The following FANCI variants were observed in gnomAD, a reference collection of about 807,000 sequenced individuals.
The protein encoded by FANCI is FA complementation group I.
FANCI carries 156 observed loss-of-function variants against 176.1 expected under a neutral mutation model. That is an observed-to-expected ratio of 0.89 (90% confidence interval 0.78 to 1.01). FANCI has a LOEUF of 1.01. Among genes scored for constraint, FANCI ranks in the 50% least tolerant of loss-of-function variants. FANCI has a pLI of 0.00. For synonymous variants in FANCI, 613 were observed against 541.7 expected, an observed-to-expected ratio of 1.13 and a Z score of -1.83; for missense variants, 1,678 against 1,534.1, an observed-to-expected ratio of 1.09 and a Z score of -1.57.
Position 89,268,518 on chromosome 15 carries a change from A to T in FANCI, c.875A>T (p.His292Leu). Residue 292 changes from histidine (H) to leucine (L), a missense_variant, in exon 10 of 38, where the codon CAC becomes CTC. Physicochemically the swap from His to Leu is moderately conservative, Grantham distance 99. Transcript: ENST00000310775. ...GAACTAGGCAGAGAACTCGTGAAAC[A>T]CTTAAAGGTAGCATCAAACTTGTAA... ...DYELGRELVKHLKVGQQGDSN... is the reference protein window; with the variant it reads ...DYELGRELVKLLKVGQQGDSN... 6.2e-7 allele frequency: 1 copy of T among 1,614,190 alleles called. No homozygotes were observed. The highest frequency in any genetic ancestry group is 8.5e-7 in the Non-Finnish European group (1 of 1,180,024).
chr15:89,284,533 C>T (rs2053743200), intron 17 of FANCI, among the ~76,000 whole-genome samples: 1 of 152,116 alleles, frequency 6.6e-6, no homozygotes, highest in Admixed American at 6.5e-5. Context: ...GTTATATAAC[C>T]AAGAAAGGGT....
rs886425669 is a variant in FANCI, at chr15:89,295,146, C to A, written c.2636+52C>A. On this transcript the variant is annotated intron_variant, in intron 24 of 37. Coordinates refer to ENST00000310775, the MANE Select transcript of FANCI (RefSeq NM_001113378.2). ...TTATTCCACTTGGCTGTGGTGTCTC[C>A]AAGAGAACAAACTGGGAACAGAGGA... The A allele has an allele frequency of 9.2e-6, 14 of 1,518,116 alleles. No individual in the cohort carries two copies. The African/African-American group carries it at 1.8e-4, about 20-fold the overall frequency. 94.0% of individuals were successfully genotyped at this position (1,518,116 alleles called of 1,614,324 possible).
intron 24 of FANCI, among the ~76,000 whole-genome samples, chr15:89,299,381 C>T (rs761793585): frequency 1.3e-5 from 2 of 152,138 alleles, no homozygotes; most frequent in African/African-American, 4.8e-5. Flanking sequence ...AGAACATATT[C>T]CACCTCATTT....
At chr15:89,314,834 TCTCCCCCCCC>T (rs1173482213) in intron 36 of FANCI, 127 bp downstream of exon 36, 9 of 350,574 alleles carry the variant, frequency 2.6e-5, no homozygotes, top group Admixed American at 2.0e-4. Context: ...CCATCCCCCC[TCTCCCCCCCC>T]CCCCCTTTTT....
At position 89,299,891 on chromosome 15, in the gene FANCI, G is replaced by A. The variant is rs1261021714; in HGVS notation, c.2728G>A (p.Glu910Lys). 8 of 1,614,004 alleles carry A rather than the reference G, an allele frequency of 5.0e-6. No homozygotes were observed. The highest frequency in any genetic ancestry group is 6.8e-6 in the Non-Finnish European group (8 of 1,180,008). ...KGKSISLLCLEGLQKIFSAVQ... is the reference protein window; with the variant it reads ...KGKSISLLCLKGLQKIFSAVQ... ...AAAGAGCATCTCACTGCTGTGCTTG[G>A]AGGGTTTACAGAAAATATTCAGTGC... The change falls in exon 25 of 38, where the codon GAG (glutamate) becomes AAG (lysine). Residue 910 changes from glutamate to lysine, a missense_variant. By Grantham distance (56) the Glu-to-Lys change is moderately conservative. Transcript: ENST00000310775.
At chr15:89,275,508 G>A (rs1263969411) in intron 12 of FANCI, among the ~76,000 whole-genome samples, 1 of 152,080 alleles carries the variant, frequency 6.6e-6, no homozygotes, top group Non-Finnish European at 1.5e-5. Flanking sequence ...CCTCTTCTAG[G>A]CCTGGAATTC....
intron 20 of FANCI, among the ~76,000 whole-genome samples, chr15:89,292,051 C>T (rs2054089273): frequency 6.6e-6 from 1 of 152,138 alleles, no homozygotes; most frequent in Non-Finnish European, 1.5e-5. Flanking sequence ...CCTAGGGGAC[C>T]TGCTTCATTA....
intron 14 of FANCI, among the ~76,000 whole-genome samples, chr15:89,280,372 C>G (rs534656053): frequency 6.6e-6 from 1 of 152,212 alleles, no homozygotes; most frequent in South Asian, 2.1e-4. Context: ...GTTGATCCCA[C>G]CCTACCTTTC....
intron 32 of FANCI, 47 bp downstream of exon 32, chr15:89,306,241 G>T: frequency 1.9e-6 from 3 of 1,589,800 alleles, no homozygotes; most frequent in Non-Finnish European, 2.6e-6. Context: ...CTACCCCAGT[G>T]AGCCAGGAGA....
intron 10 of FANCI, among the ~76,000 whole-genome samples, chr15:89,272,146 G>A (rs1438756700): frequency 6.6e-6 from 1 of 151,888 alleles, no homozygotes; most frequent in Admixed American, 6.6e-5. Context: ...CATTCTAATG[G>A]GTATGAAACA....
intron 10 of FANCI, among the ~76,000 whole-genome samples, chr15:89,269,736 G>C (rs1395023776): frequency 1.3e-5 from 2 of 152,080 alleles, no homozygotes; most frequent in Non-Finnish European, 2.9e-5. Context: ...TAACGAGTGT[G>C]GCTGTTTTCC....
chr15:89,293,764 A>C (rs1403775960), intron 22 of FANCI, 69 bp from the exon 23 acceptor site: 1 of 1,378,894 alleles, frequency 7.3e-7, no homozygotes, highest in African/African-American at 1.4e-5. Flanking sequence ...TGTGATTATT[A>C]TCATATGTAA....
intron 23 of FANCI, among the ~76,000 whole-genome samples, chr15:89,294,429 T>C (rs1411860583): frequency 2.0e-5 from 3 of 152,006 alleles, no homozygotes; most frequent in Non-Finnish European, 4.4e-5. Context: ...CTACTAAAAA[T>C]ACAAAATTAG....
intron 36 of FANCI, 142 bp from the exon 37 acceptor site, chr15:89,315,140 C>G (rs752955769): frequency 1.4e-6 from 1 of 704,766 alleles, no homozygotes; most frequent in Admixed American, 2.0e-5. Context: ...TGACCTGAAC[C>G]CCAGCATACA....
chr15:89,254,686 G>A (rs1228063656), intron 2 of FANCI, among the ~76,000 whole-genome samples: 2 of 152,158 alleles, frequency 1.3e-5, no homozygotes, highest in Non-Finnish European at 2.9e-5. Flanking sequence ...GCACACGCTT[G>A]TATTCCTAGC....
In FANCI at chr15:89,256,181, G is replaced by A. The variant is rs146549944; in HGVS notation, c.85-2523G>A. 6.6e-3 allele frequency among the ~76,000 whole-genome samples: 1,007 copies of A among 152,270 alleles called. 5 individuals are homozygous for A. Among genetic ancestry groups the A allele is most frequent in the Non-Finnish European group, 1.0e-2 (680 of 68,024 alleles). On this transcript the variant is annotated intron_variant, in intron 2 of 37. Transcript: ENST00000310775. ...CACGTTTTGGCTCGGATAAATCTTTGTTGTGGTGGGCTGTCCAGTGCATTG... is the reference window on the plus strand; with the variant it reads ...CACGTTTTGGCTCGGATAAATCTTTATTGTGGTGGGCTGTCCAGTGCATTG...
At chr15:89,293,438 G>A (rs1236808553) in intron 22 of FANCI, among the ~76,000 whole-genome samples, 3 of 152,210 alleles carry the variant, frequency 2.0e-5, no homozygotes, top group African/African-American at 4.8e-5. Context: ...TGTAATCCCA[G>A]AACTTTGGGA....
At chr15:89,289,984 A>T (rs1473660963) in intron 18 of FANCI, among the ~76,000 whole-genome samples, 1 of 152,016 alleles carries the variant, frequency 6.6e-6, no homozygotes, top group East Asian at 1.9e-4. Flanking sequence ...GAGTTACTTC[A>T]CCTGGCTTCC....
chr15:89,268,541 T>G lies in FANCI; in HGVS notation c.882+16T>G, dbSNP rs2053067143. 2 of 1,613,986 alleles carry G rather than the reference T, an allele frequency of 1.2e-6. No individual in the cohort carries two copies. The highest frequency in any genetic ancestry group is 1.3e-5 in the African/African-American group (1 of 74,982). ...ACACTTAAAGGTAGCATCAAACTTG[T>G]AAGGTGATCTGGGTCTCTTTTGAAT... On this transcript the variant is annotated intron_variant, in intron 10 of 37. Coordinates refer to ENST00000310775, the MANE Select transcript of FANCI (RefSeq NM_001113378.2).
Sources: allele counts gnomAD v4.1 joint callset (sites outside exome capture counted in the v4.1 genomes callset), GRCh38; gene constraint gnomAD v4.1.1; transcripts MANE v1.5; gene names NCBI Gene and HGNC (gene_info 2026-07-23, HGNC 2026-07-21).